Variants in ZBTB16 observed in about 807,000 individuals in gnomAD.
ZBTB16 encodes zinc finger and BTB domain containing 16.
In ZBTB16, 8 loss-of-function variants were observed where a neutral mutation model predicts 56.8. The ratio of observed to expected loss-of-function variants is 0.14; its 90% CI spans 0.08 to 0.25. The LOEUF is 0.25. ZBTB16 is among the 10% of genes least tolerant of loss of function. The pLI, the probability that ZBTB16 is intolerant of heterozygous loss-of-function variation, is 1.00. For missense variants in ZBTB16, 625 were observed against 903.0 expected (o/e 0.69, Z 3.95); for synonymous variants, 363 against 368.5 (o/e 0.98, Z 0.17).
At chr11:114,066,293 G>A (rs1009439909) in intron 2 of ZBTB16, among the ~76,000 whole-genome samples, 1 of 152,152 alleles carries the variant, frequency 6.6e-6, no homozygotes, top group African/African-American at 2.4e-5. Flanking sequence ...AAGTGTGGCA[G>A]AGCTAAACGT....
intron 5 of ZBTB16, among the ~76,000 whole-genome samples, chr11:114,243,781 G>A (rs190505007): frequency 5.2e-4 from 79 of 152,244 alleles, no homozygotes; most frequent in African/African-American, 1.8e-3. Context: ...CATGCCACTG[G>A]GTCCAATCAG....
chr11:114,191,572 C>A (rs1448364969), intron 4 of ZBTB16, among the ~76,000 whole-genome samples: 2 of 152,198 alleles, frequency 1.3e-5, no homozygotes, highest in African/African-American at 2.4e-5. Context: ...CTCACGTGCT[C>A]TTTCCACGAC....
rs998741937 is a variant in ZBTB16 at position 114,256,016 on chromosome 11, T to G, written c.*5461T>G. Among the ~76,000 whole-genome samples, 61 of 70,048 alleles carry G rather than the reference T, an allele frequency of 8.7e-4. No homozygotes were observed. The Admixed American group carries it at 9.7e-3, about 11-fold the overall frequency. 46.0% of individuals were successfully genotyped at this position (70,048 alleles called of 152,430 possible). A position where few individuals can be genotyped will look rare whatever the true frequency, so the allele number is the denominator to read the frequency against. ...ACCTTTTTATTGAAGTACTTGGTTT[T>G]GTTTTGTTTTTTTTTTTTGTTTTTT... On this transcript the variant is annotated 3_prime_UTR_variant, in exon 7 of 7. Transcript: ENST00000335953.
intron 4 of ZBTB16, among the ~76,000 whole-genome samples, chr11:114,215,271 T>G (rs1944073235): frequency 2.0e-5 from 3 of 152,338 alleles, no homozygotes; most frequent in African/African-American, 4.8e-5. Flanking sequence ...ATAACTTGTT[T>G]TAGAAGTTGG....
At chr11:114,155,467 GGTTGGGA>G (rs925599321) in intron 2 of ZBTB16, among the ~76,000 whole-genome samples, 84 of 145,276 alleles carry the variant, frequency 5.8e-4, no homozygotes, top group African/African-American at 2.0e-3. Flanking sequence ...CCGGGTTGGG[GGTTGGGA>G]GTTGGGATGG....
intron 4 of ZBTB16, among the ~76,000 whole-genome samples, chr11:114,239,751 G>A (rs1336754580): frequency 6.6e-6 from 1 of 152,164 alleles, no homozygotes; most frequent in African/African-American, 2.4e-5. Context: ...CATTGCTGGA[G>A]CTGTACTAGA....
chr11:114,246,825 G>C (rs74788840), intron 5 of ZBTB16: 3,574 of 284,542 alleles, frequency 0.013, 39 homozygotes, highest in Non-Finnish European at 0.019. Flanking sequence ...AGTCAGGCTG[G>C]AGTGACTTTC....
chr11:114,204,931 C>T lies in ZBTB16; in HGVS notation c.1453+17893C>T, dbSNP rs139114626. On this transcript the variant is annotated intron_variant, in intron 4 of 6. Transcript: ENST00000335953. ...TAATTTACTTCCGCTACTAATTTAA[C>T]GAATGGCACTGCCCTGAGGTCGGGC... 3.1e-3 allele frequency among the ~76,000 whole-genome samples: 471 copies of T among 152,254 alleles called. 3 individuals are homozygous for T. Among genetic ancestry groups the T allele is most frequent in the African/African-American group, 9.6e-3 (400 of 41,534 alleles).
At chr11:114,088,879 G>C (rs966857950) in intron 2 of ZBTB16, among the ~76,000 whole-genome samples, 26 of 152,224 alleles carry the variant, frequency 1.7e-4, no homozygotes, top group African/African-American at 6.3e-4. Flanking sequence ...AGGCAGGGCT[G>C]GGGGAGTGTG....
chr11:114,194,405 T>C (rs1220751937), intron 4 of ZBTB16, among the ~76,000 whole-genome samples: 1 of 152,170 alleles, frequency 6.6e-6, no homozygotes, highest in Non-Finnish European at 1.5e-5. Flanking sequence ...GACCCCTCCT[T>C]GCCCCCTGCC....
At chr11:114,067,030 A>G (rs527870480) in intron 2 of ZBTB16, among the ~76,000 whole-genome samples, 26 of 152,182 alleles carry the variant, frequency 1.7e-4, no homozygotes, top group African/African-American at 5.8e-4. Flanking sequence ...TCGGCCTCCC[A>G]AAGTGCTGGG....
At chr11:114,170,108 C>T (rs1172507693) in intron 3 of ZBTB16, among the ~76,000 whole-genome samples, 1 of 152,170 alleles carries the variant, frequency 6.6e-6, no homozygotes, top group Non-Finnish European at 1.5e-5. Context: ...GGGGGCCCCT[C>T]CAAGTTGAGG....
At chr11:114,199,898 G>C (rs563564971) in intron 4 of ZBTB16, among the ~76,000 whole-genome samples, 1 of 152,308 alleles carries the variant, frequency 6.6e-6, no homozygotes, top group African/African-American at 2.4e-5. Flanking sequence ...GGAGGCCGAG[G>C]TGGGCGGATC....
intron 2 of ZBTB16, among the ~76,000 whole-genome samples, chr11:114,130,018 TG>T (rs1170301672): frequency 6.6e-6 from 1 of 152,232 alleles, no homozygotes; most frequent in Non-Finnish European, 1.5e-5. Flanking sequence ...GCAAGGTGTG[TG>T]TGGAAATCAA....
chr11:114,066,928 GCC>G (rs1394907800), intron 2 of ZBTB16, among the ~76,000 whole-genome samples: 1 of 151,798 alleles, frequency 6.6e-6, no homozygotes, highest in Non-Finnish European at 1.5e-5. Context: ...CTGTCACCCC[GCC>G]CAGCTAATTT....
intron 3 of ZBTB16, among the ~76,000 whole-genome samples, chr11:114,168,027 C>G (rs1379761358): frequency 6.6e-6 from 1 of 152,372 alleles, no homozygotes; most frequent in South Asian, 2.1e-4. Flanking sequence ...TCTATCCCCT[C>G]TTATGGCACC....
intron 3 of ZBTB16, among the ~76,000 whole-genome samples, chr11:114,177,950 A>T (rs1202224172): frequency 6.6e-6 from 1 of 152,186 alleles, no homozygotes; most frequent in Non-Finnish European, 1.5e-5. Context: ...TCACTCATGT[A>T]TTTTTAAAAA....
At chr11:114,173,181 C>T (rs529176774) in intron 3 of ZBTB16, among the ~76,000 whole-genome samples, 20 of 152,320 alleles carry the variant, frequency 1.3e-4, no homozygotes, top group East Asian at 3.9e-4. Flanking sequence ...CAGAAGCACC[C>T]GGGCTAGAGA....
chr11:114,071,116 T>C (rs1182729365), intron 2 of ZBTB16, among the ~76,000 whole-genome samples: 1 of 152,222 alleles, frequency 6.6e-6, no homozygotes, highest in Non-Finnish European at 1.5e-5. Context: ...AATTCTTTTA[T>C]TCTTTGTGTA....
Sources: gnomAD v4.1 joint callset for allele counts (sites outside exome capture counted in the v4.1 genomes callset) on GRCh38, gnomAD v4.1.1 for gene constraint, MANE v1.5 for transcripts, NCBI Gene and HGNC (gene_info 2026-07-23, HGNC 2026-07-21) for gene names.